The following SGCZ variants were observed in gnomAD, a reference collection of about 807,000 sequenced individuals.
SGCZ encodes sarcoglycan zeta.
A neutral mutation model predicts 41.3 loss-of-function variants in SGCZ; 40 were observed. The observed-to-expected ratio is 0.97, with a 90% confidence interval of 0.75 to 1.26. The LOEUF (loss-of-function observed/expected upper bound fraction) is 1.26, where lower values mean the gene tolerates loss of function less well. Ranked by LOEUF, SGCZ falls within the 50% of genes most tolerant of loss-of-function variation. The probability of loss-of-function intolerance (pLI) is 0.00; values close to 1 mark genes in which losing one functional copy is unlikely to be tolerated. For missense variants in SGCZ, 552 were observed against 369.8 expected, an observed-to-expected ratio of 1.49 and a Z score of -4.04; for synonymous variants, 206 against 137.5, an observed-to-expected ratio of 1.50 and a Z score of -3.49.
At chr8:14,976,370 T>C (rs1288365926) in intron 1 of SGCZ, among the ~76,000 whole-genome samples, 1 of 152,156 alleles carries the variant, frequency 6.6e-6, no homozygotes, top group Non-Finnish European at 1.5e-5. Context: ...TGTGTGACAC[T>C]TTTTAGAAAC....
At chr8:14,860,750 G>GAAAGAAAGAAAGAAAGAA (rs1563321436) in intron 1 of SGCZ, among the ~76,000 whole-genome samples, 2 of 150,130 alleles carry the variant, frequency 1.3e-5, no homozygotes, top group African/African-American at 4.9e-5. Flanking sequence ...AAGTAAGTAA[G>GAAAGAAAGAAAGAAAGAA]TGAGGGAGGG....
intron 1 of SGCZ, among the ~76,000 whole-genome samples, chr8:14,962,106 G>C (rs1204967434): frequency 1.3e-5 from 2 of 152,132 alleles, no homozygotes; most frequent in Non-Finnish European, 2.9e-5. Context: ...AAGGAAAGAA[G>C]TTTTGTCTCT....
intron 4 of SGCZ, among the ~76,000 whole-genome samples, chr8:14,236,059 G>A (rs1806748353): frequency 6.6e-6 from 1 of 152,134 alleles, no homozygotes; most frequent in South Asian, 2.1e-4. Flanking sequence ...AGTTCTATCT[G>A]GCTGAAGAGT....
intron 4 of SGCZ, among the ~76,000 whole-genome samples, chr8:14,198,288 T>C (rs953619659): frequency 2.6e-5 from 4 of 152,194 alleles, no homozygotes; most frequent in African/African-American, 9.7e-5. Context: ...ACTGTCATGG[T>C]ATTATAGTGA....
chr8:15,059,340 A>T (rs961056355), intron 1 of SGCZ, among the ~76,000 whole-genome samples: 2 of 152,194 alleles, frequency 1.3e-5, no homozygotes, highest in Non-Finnish European at 2.9e-5. Context: ...TAAGGAGCAC[A>T]TGAACTCAAG....
chr8:14,775,500 T>C (rs1490676727), intron 1 of SGCZ, among the ~76,000 whole-genome samples: 1 of 144,808 alleles, frequency 6.9e-6, no homozygotes, highest in African/African-American at 2.5e-5. Context: ...TGTGTGTGTG[T>C]ACACAGGGGG....
At chr8:15,045,195 C>A (rs1238287660) in intron 1 of SGCZ, among the ~76,000 whole-genome samples, 3 of 151,868 alleles carry the variant, frequency 2.0e-5, no homozygotes, top group African/African-American at 7.3e-5. Context: ...TCATTCAAGA[C>A]AGAACATGTA....
chr8:14,431,959 C>T lies in SGCZ; in HGVS notation c.235-107755G>A, dbSNP rs569341115. 3.7e-4 allele frequency among the ~76,000 whole-genome samples: 57 copies of T among 152,104 alleles called. 1 individual carries two copies. Among genetic ancestry groups the T allele is most frequent in the South Asian group, 8.3e-4 (4 of 4,824 alleles). ...AACATCACTAATGATCTGGGAAATG[C>T]AAATCAAACCACAATGCGATATCAC... On this transcript the variant is annotated intron_variant, in intron 2 of 7. Transcript: ENST00000382080.
intron 3 of SGCZ, among the ~76,000 whole-genome samples, chr8:14,313,595 C>G (rs1801615867): frequency 6.6e-6 from 1 of 152,148 alleles, no homozygotes; most frequent in Non-Finnish European, 1.5e-5. Context: ...CTTGGCCTCC[C>G]AAAGTTCTGG....
intron 5 of SGCZ, among the ~76,000 whole-genome samples, chr8:14,150,390 G>C (rs1282274702): frequency 6.6e-6 from 1 of 151,970 alleles, no homozygotes; most frequent in East Asian, 1.9e-4. Flanking sequence ...TTTCTCAAAA[G>C]AAAACACACA....
Position 14,090,403 on chromosome 8 carries a change from G to C in SGCZ, c.*40C>G. 1.9e-6 allele frequency: 3 copies of C among 1,588,130 alleles called. No individual in the cohort carries two copies. The highest frequency in any genetic ancestry group is 2.6e-6 in the Non-Finnish European group (3 of 1,166,222). ...GCAGAACTGTGAAGCAGACGGACAG[G>C]AACAAAAGGCTATTCTGGTGTGAGG... On this transcript the variant is annotated 3_prime_UTR_variant, in exon 8 of 8. Transcript: ENST00000382080.
chr8:14,812,616 A>G (rs1801769042), intron 1 of SGCZ, among the ~76,000 whole-genome samples: 1 of 152,106 alleles, frequency 6.6e-6, no homozygotes, highest in Non-Finnish European at 1.5e-5. Flanking sequence ...ACACCCTAAA[A>G]TATATTCAGC....
At chr8:14,401,423 G>C (rs1799071363) in intron 2 of SGCZ, among the ~76,000 whole-genome samples, 1 of 134,232 alleles carries the variant, frequency 7.4e-6, no homozygotes, top group Non-Finnish European at 1.5e-5. Flanking sequence ...ATCTCCTAAA[G>C]CTATCCCTCC....
chr8:14,379,362 G>A (rs553493003), intron 2 of SGCZ, among the ~76,000 whole-genome samples: 1 of 152,190 alleles, frequency 6.6e-6, no homozygotes, highest in African/African-American at 2.4e-5. Flanking sequence ...TATAATGATA[G>A]AGAAAACCCC....
intron 2 of SGCZ, among the ~76,000 whole-genome samples, chr8:14,456,385 G>T (rs575512637): frequency 6.6e-6 from 1 of 152,064 alleles, no homozygotes; most frequent in African/African-American, 2.4e-5. Context: ...TCCAGCCTGC[G>T]CAAGAAGAGT....
chr8:15,020,660 T>G (rs1803216471), intron 1 of SGCZ, among the ~76,000 whole-genome samples: 1 of 152,336 alleles, frequency 6.6e-6, no homozygotes, highest in South Asian at 2.1e-4. Context: ...TGCTCCTTTC[T>G]AATAGAGTGA....
chr8:14,847,806 A>C (rs1803186309), intron 1 of SGCZ, among the ~76,000 whole-genome samples: 1 of 150,808 alleles, frequency 6.6e-6, no homozygotes, highest in Non-Finnish European at 1.5e-5. Flanking sequence ...AAAAAAAAAA[A>C]AACCTGACTG....
chr8:14,817,724 G>A (rs578170157), intron 1 of SGCZ, among the ~76,000 whole-genome samples: 61 of 152,280 alleles, frequency 4.0e-4, no homozygotes, highest in Middle Eastern at 3.4e-3. Flanking sequence ...ACATGGAGAA[G>A]CTGCTAAATA....
intron 1 of SGCZ, among the ~76,000 whole-genome samples, chr8:14,775,856 T>A (rs1391528335): frequency 6.6e-6 from 1 of 152,148 alleles, no homozygotes; most frequent in African/African-American, 2.4e-5. Flanking sequence ...ACATCTTTAA[T>A]GTGACACAGA....
Sources: allele counts gnomAD v4.1 joint callset (sites outside exome capture counted in the v4.1 genomes callset), GRCh38; gene constraint gnomAD v4.1.1; transcripts MANE v1.5; gene names NCBI Gene and HGNC (gene_info 2026-07-23, HGNC 2026-07-21).